MED12L: variants seen among roughly 807,000 people sequenced by gnomAD.
MED12L encodes the protein mediator of RNA polymerase II transcription subunit 12-like protein.
MED12L carries 60 observed loss-of-function variants against 281.3 expected under a neutral mutation model. The ratio of observed to expected loss-of-function variants is 0.21; its 90% CI spans 0.17 to 0.26. The LOEUF (loss-of-function observed/expected upper bound fraction) is 0.26, where lower values mean the gene tolerates loss of function less well. MED12L is among the 10% of genes least tolerant of loss of function. The pLI is 1.00. For synonymous variants in MED12L, 974 were observed against 987.2 expected, an observed-to-expected ratio of 0.99 and a Z score of 0.25; for missense variants, 2,146 against 2,680.9, an observed-to-expected ratio of 0.80 and a Z score of 4.41.
At chr3:151,347,935 A>G (rs776999608) in intron 16 of MED12L, among the ~76,000 whole-genome samples, 5 of 152,150 alleles carry the variant, frequency 3.3e-5, no homozygotes, top group Admixed American at 2.6e-4. Context: ...AGCTTGGGCT[A>G]TTATCAGTAA....
chr3:151,295,863 G>T (rs994206919), intron 16 of MED12L, among the ~76,000 whole-genome samples: 5 of 152,130 alleles, frequency 3.3e-5, no homozygotes, highest in Non-Finnish European at 7.4e-5. Context: ...AAAAGTCCTG[G>T]ATACATACAG....
chr3:151,287,069 A>C (rs913329266), intron 16 of MED12L, among the ~76,000 whole-genome samples: 1 of 152,176 alleles, frequency 6.6e-6, no homozygotes, highest in Non-Finnish European at 1.5e-5. Flanking sequence ...GGTTAATACA[A>C]GTCGGGTGCT....
intron 16 of MED12L, among the ~76,000 whole-genome samples, chr3:151,344,021 G>T (rs1752233544): frequency 6.6e-6 from 1 of 152,068 alleles, no homozygotes; most frequent in South Asian, 2.1e-4. Context: ...TTTATCCATT[G>T]GAATATAGAA....
intron 5 of MED12L, among the ~76,000 whole-genome samples, chr3:151,155,191 T>A (rs889974316): frequency 6.6e-6 from 1 of 152,204 alleles, no homozygotes; most frequent in African/African-American, 2.4e-5. Context: ...CATTGTGTGG[T>A]AATGTTTCAG....
At chr3:151,352,602 G>C (rs1363279771) in intron 17 of MED12L, among the ~76,000 whole-genome samples, 1 of 150,948 alleles carries the variant, frequency 6.6e-6, no homozygotes. Flanking sequence ...GCATGTATTT[G>C]ATTTCTGGGA....
chr3:151,107,072 T>C (rs550904217), intron 2 of MED12L, among the ~76,000 whole-genome samples: 1 of 147,356 alleles, frequency 6.8e-6, no homozygotes, highest in African/African-American at 2.6e-5. Flanking sequence ...CATTTTACTA[T>C]TTGTTTTCTG....
chr3:151,159,958 A>G lies in MED12L; in HGVS notation c.964A>G (p.Ile322Val). 6.2e-7 allele frequency: 1 copy of G among 1,614,184 alleles called. No homozygotes were observed. Among genetic ancestry groups the G allele is most frequent in the South Asian group, 1.1e-5 (1 of 91,084 alleles). Reference sequence around the variant, plus strand: ...TGCTGCCCACTCACCCCACATGATGATAGGACCAAACAACTCGAGTATCGG... The same window carrying G: ...TGCTGCCCACTCACCCCACATGATGGTAGGACCAAACAACTCGAGTATCGG... ...LLAAHSPHMM[I>V]GPNNSSIGAP... is the part of the protein sequence containing the mutation. Residue 322 changes from isoleucine to valine, a missense_variant, in exon 8 of 45, where the codon ATA (isoleucine) becomes GTA (valine). Physicochemically the swap from Ile to Val is conservative, Grantham distance 29 (BLOSUM62 3). Around this residue, in one of 9 missense-constraint regions of MED12L, gnomAD observed 722 missense variants for 861.2 expected, o/e 0.84. Transcript: ENST00000687756.
intron 16 of MED12L, among the ~76,000 whole-genome samples, chr3:151,339,835 C>G (rs753220893): frequency 2.0e-4 from 31 of 152,040 alleles, no homozygotes; most frequent in Non-Finnish European, 4.0e-4. Flanking sequence ...GCATCTACAT[C>G]TTGGGAATTT....
intron 16 of MED12L, chr3:151,213,495 C>T (rs182884078): frequency 1.2e-6 from 2 of 1,614,084 alleles, no homozygotes; most frequent in Non-Finnish European, 1.7e-6. Context: ...CTTTCATATA[C>T]CGCAAGATTT....
chr3:151,171,634 C>T (rs772160414), intron 11 of MED12L, among the ~76,000 whole-genome samples: 4 of 152,190 alleles, frequency 2.6e-5, no homozygotes, highest in Admixed American at 6.5e-5. Flanking sequence ...TTAGACTATT[C>T]GTGCAGAATT....
chr3:151,326,358 C>T (rs1749591839), intron 16 of MED12L: 1 of 152,510 alleles, frequency 6.6e-6, no homozygotes, highest in Non-Finnish European at 1.5e-5. Context: ...ACAATCTCTC[C>T]TTTCAGATAT....
rs111632964 is a variant in MED12L at position 151,396,600 on chromosome 3, C to G, written c.5820+1733C>G. ...GAGATCACGCCACTGCACTCCAGCCCGGTCAACAGAGTGAGACTCCGTCTC... is the reference window on the plus strand; with the variant it reads ...GAGATCACGCCACTGCACTCCAGCCGGGTCAACAGAGTGAGACTCCGTCTC... On this transcript the variant is annotated intron_variant, in intron 39 of 44. Coordinates refer to ENST00000687756, the MANE Select transcript of MED12L (RefSeq NM_001393769.1). Among the ~76,000 whole-genome samples, 892 of 152,104 alleles carry G rather than the reference C, an allele frequency of 5.9e-3. 7 individuals carry two copies. The highest frequency in any genetic ancestry group is 0.024 in the South Asian group (114 of 4,810).
At chr3:151,220,141 A>C (rs1208876658) in intron 16 of MED12L, among the ~76,000 whole-genome samples, 1 of 148,638 alleles carries the variant, frequency 6.7e-6, no homozygotes, top group African/African-American at 2.5e-5. Flanking sequence ...GTAACCCACT[A>C]CCCAAGTTGC....
chr3:151,412,049 C>T (rs1472365723), intron 41 of MED12L, among the ~76,000 whole-genome samples: 1 of 152,170 alleles, frequency 6.6e-6, no homozygotes, highest in African/African-American at 2.4e-5. Flanking sequence ...GAGTGTATAA[C>T]TGTACTGTCT....
chr3:151,194,180 T>A (rs1200870639), intron 16 of MED12L, among the ~76,000 whole-genome samples: 1 of 152,092 alleles, frequency 6.6e-6, no homozygotes, highest in African/African-American at 2.4e-5. Context: ...TTGGGCAGGC[T>A]GGTCTCGAAC....
At chr3:151,294,746 A>G in intron 16 of MED12L, 2 of 1,614,160 alleles carry the variant, frequency 1.2e-6, no homozygotes, top group Non-Finnish European at 1.7e-6. Flanking sequence ...AGCCATGATC[A>G]CCCAAACACA....
intron 16 of MED12L, among the ~76,000 whole-genome samples, chr3:151,309,119 GCACACACACACA>G (rs1177424724): frequency 6.9e-6 from 1 of 144,234 alleles, no homozygotes; most frequent in Non-Finnish European, 1.5e-5. Context: ...TGAAATACAC[GCACACACACACA>G]CACACACACG....
chr3:151,396,822 G>C (rs57335550), intron 39 of MED12L, among the ~76,000 whole-genome samples: 45,629 of 151,836 alleles, frequency 0.3, 7,605 homozygotes, highest in Non-Finnish European at 0.38. Context: ...GGCCATTATG[G>C]GTAAATATAC....
chr3:151,160,572 A>T (rs1055430723), intron 8 of MED12L, among the ~76,000 whole-genome samples: 1 of 152,194 alleles, frequency 6.6e-6, no homozygotes, highest in Non-Finnish European at 1.5e-5. Context: ...CTGGGCTGAT[A>T]CTACCAGGAA....
Sources: allele counts gnomAD v4.1 joint callset (sites outside exome capture counted in the v4.1 genomes callset), GRCh38; gene constraint gnomAD v4.1.1; regional missense constraint gnomAD v4.1.1; transcripts MANE v1.5; gene names NCBI Gene and HGNC (gene_info 2026-07-23, HGNC 2026-07-21).